The following AFF3 variants were observed in gnomAD, a reference collection of about 807,000 sequenced individuals.
The protein encoded by AFF3 is AF4/FMR2 family member 3.
In AFF3, 32 loss-of-function variants were observed where a neutral mutation model predicts 129.7. That is an observed-to-expected ratio of 0.25 (90% CI 0.19 to 0.33). The LOEUF (loss-of-function observed/expected upper bound fraction) is 0.33. Among genes scored for constraint, AFF3 ranks in the 10% least tolerant of loss-of-function variants. The probability of loss-of-function intolerance (pLI) is 1.00; values close to 1 mark genes in which losing one functional copy is unlikely to be tolerated. For missense variants in AFF3, 1,373 were observed against 1,592.0 expected (o/e 0.86, Z 2.34); for synonymous variants, 644 against 635.4 (o/e 1.01, Z -0.20).
intron 11 of AFF3, among the ~76,000 whole-genome samples, chr2:99,680,096 C>T (rs1274370622): frequency 6.6e-6 from 1 of 152,170 alleles, no homozygotes; most frequent in African/African-American, 2.4e-5. Flanking sequence ...TATAAAAATG[C>T]TCCATCTTTT....
chr2:99,725,701 G>A (rs1679313927), intron 11 of AFF3, among the ~76,000 whole-genome samples: 1 of 152,166 alleles, frequency 6.6e-6, no homozygotes, highest in Non-Finnish European at 1.5e-5. Flanking sequence ...TTAACCAAAT[G>A]GGTGCCTACT....
chr2:99,651,513 C>T (rs537437551), intron 12 of AFF3, among the ~76,000 whole-genome samples: 1 of 152,082 alleles, frequency 6.6e-6, no homozygotes, highest in South Asian at 2.1e-4. Flanking sequence ...CTGATTTCAG[C>T]TCACTGCAAC....
intron 8 of AFF3, among the ~76,000 whole-genome samples, chr2:99,788,327 T>A (rs900373503): frequency 6.6e-6 from 1 of 152,096 alleles, no homozygotes. Flanking sequence ...AGAGGACAGC[T>A]CCACGCATGT....
chr2:99,660,468 C>A (rs1686130176), intron 12 of AFF3, among the ~76,000 whole-genome samples: 1 of 152,164 alleles, frequency 6.6e-6, no homozygotes, highest in African/African-American at 2.4e-5. Flanking sequence ...ACCAATTATA[C>A]AAGAGAAAGC....
intron 8 of AFF3, among the ~76,000 whole-genome samples, chr2:99,800,246 G>A (rs1015977381): frequency 6.6e-6 from 1 of 152,096 alleles, no homozygotes; most frequent in Non-Finnish European, 1.5e-5. Flanking sequence ...AAACAACCTA[G>A]TAAAAAAGGC....
intron 4 of AFF3, among the ~76,000 whole-genome samples, chr2:100,046,198 T>C (rs1235405520): frequency 6.6e-6 from 1 of 152,186 alleles, no homozygotes; most frequent in African/African-American, 2.4e-5. Flanking sequence ...AGACAATGAT[T>C]CTGATAACAG....
Position 99,553,468 on chromosome 2 carries a change from T to C in AFF3, c.3559+843A>G, listed in dbSNP as rs1160309724. ...ATGGAGTGAACTCAGATTTGCACTC[T>C]TACCTGCTGCTGTAGGGCCAATAGT... On this transcript the variant is annotated intron_variant, in intron 24 of 24. Transcript: ENST00000672756. Among the ~76,000 whole-genome samples the C allele has an allele frequency of 2.6e-5, 4 of 152,192 alleles. No homozygotes were observed. The East Asian group carries it at 5.8e-4, about 22-fold the overall frequency.
intron 8 of AFF3, among the ~76,000 whole-genome samples, chr2:99,805,013 G>C (rs1686230237): frequency 6.6e-6 from 1 of 152,110 alleles, no homozygotes; most frequent in Non-Finnish European, 1.5e-5. Context: ...AGTTCACTAA[G>C]ATCTCAGACT....
At chr2:100,128,502 A>G (rs1301691918) in intron 2 of AFF3, among the ~76,000 whole-genome samples, 2 of 152,214 alleles carry the variant, frequency 1.3e-5, no homozygotes, top group Non-Finnish European at 2.9e-5. Flanking sequence ...AGTTAATTTC[A>G]GAGGTCAAGC....
intron 8 of AFF3, among the ~76,000 whole-genome samples, chr2:99,752,857 A>T (rs946330064): frequency 6.6e-6 from 1 of 152,230 alleles, no homozygotes; most frequent in Non-Finnish European, 1.5e-5. Context: ...GTCATTTCTT[A>T]TAACACAGTA....
chr2:100,119,404 C>T (rs1009012682), intron 2 of AFF3, among the ~76,000 whole-genome samples: 2 of 152,164 alleles, frequency 1.3e-5, no homozygotes, highest in Non-Finnish European at 2.9e-5. Context: ...TGAAAGCATG[C>T]TCATTTAAAC....
At chr2:99,858,078 G>T (rs1387309170) in intron 7 of AFF3, among the ~76,000 whole-genome samples, 1 of 152,122 alleles carries the variant, frequency 6.6e-6, no homozygotes, top group Non-Finnish European at 1.5e-5. Flanking sequence ...GCTCAGCAGG[G>T]CTCACCAGCC....
At chr2:99,579,585 TG>T (rs1351162812) in intron 17 of AFF3, among the ~76,000 whole-genome samples, 1 of 151,732 alleles carries the variant, frequency 6.6e-6, no homozygotes, top group African/African-American at 2.4e-5. Context: ...CCAGGCGTGG[TG>T]GTAGGTGCCT....
intron 8 of AFF3, among the ~76,000 whole-genome samples, chr2:99,803,701 C>T (rs189572003): frequency 6.6e-5 from 10 of 152,234 alleles, no homozygotes; most frequent in African/African-American, 2.4e-4. Context: ...GTTATAGTAA[C>T]CAAAACAGCA....
At chr2:99,967,240 G>A (rs1382800795) in intron 7 of AFF3, among the ~76,000 whole-genome samples, 1 of 151,592 alleles carries the variant, frequency 6.6e-6, no homozygotes, top group Non-Finnish European at 1.5e-5. Context: ...TGTAAATCCT[G>A]TCTCCCTCCC....
At chr2:99,699,828 T>C (rs897449323) in intron 11 of AFF3, among the ~76,000 whole-genome samples, 3 of 152,226 alleles carry the variant, frequency 2.0e-5, no homozygotes, top group African/African-American at 2.4e-5. Flanking sequence ...TGTGTATCAA[T>C]TGTTTGTGGG....
chr2:100,117,072 C>T (rs1691762249), intron 2 of AFF3, among the ~76,000 whole-genome samples: 1 of 151,994 alleles, frequency 6.6e-6, no homozygotes, highest in Non-Finnish European at 1.5e-5. Context: ...TCTTTTTGTC[C>T]TTGATTATCA....
intron 17 of AFF3, among the ~76,000 whole-genome samples, chr2:99,582,314 G>A (rs1186979837): frequency 1.3e-5 from 2 of 152,180 alleles, no homozygotes; most frequent in Admixed American, 6.5e-5. Flanking sequence ...CCCCTGGGGC[G>A]TGCTGGAATC....
At chr2:99,867,939 G>A (rs1691557072) in intron 7 of AFF3, among the ~76,000 whole-genome samples, 1 of 152,112 alleles carries the variant, frequency 6.6e-6, no homozygotes, top group Admixed American at 6.6e-5. Flanking sequence ...AGGCGGGCAC[G>A]TGGAGGGAGA....
Sources: gnomAD v4.1 joint callset for allele counts (sites outside exome capture counted in the v4.1 genomes callset) on GRCh38, gnomAD v4.1.1 for gene constraint, MANE v1.5 for transcripts, NCBI Gene and HGNC (gene_info 2026-07-23, HGNC 2026-07-21) for gene names.